The following DPP10 variants were observed in gnomAD, a reference collection of about 807,000 sequenced individuals.
DPP10 encodes inactive dipeptidyl peptidase 10.
DPP10 carries 33 observed loss-of-function variants against 120.9 expected under a neutral mutation model. That is an observed-to-expected ratio of 0.27 (90% CI 0.21 to 0.37). DPP10 has a LOEUF of 0.37. DPP10 is among the 10% of genes least tolerant of loss of function. DPP10 has a pLI of 1.00. For synonymous variants in DPP10, 337 were observed against 326.1 expected, an observed-to-expected ratio of 1.03 and a Z score of -0.36; for missense variants, 816 against 942.8, an observed-to-expected ratio of 0.87 and a Z score of 1.76.
chr2:115,537,939 G>GGAAAAC (rs1478407662), intron 5 of DPP10, among the ~76,000 whole-genome samples: 1 of 151,940 alleles, frequency 6.6e-6, no homozygotes, highest in Non-Finnish European at 1.5e-5. Context: ...GTTTTTCCAT[G>GGAAAAC]TGTAGCTGTC....
chr2:115,440,360 G>A (rs1247018161), intron 3 of DPP10, among the ~76,000 whole-genome samples: 2 of 152,026 alleles, frequency 1.3e-5, no homozygotes, highest in Admixed American at 6.6e-5. Flanking sequence ...GCCATGCAGA[G>A]CTGCATTTAT....
chr2:115,232,154 T>G (rs2057764993), intron 1 of DPP10, among the ~76,000 whole-genome samples: 1 of 152,088 alleles, frequency 6.6e-6, no homozygotes, highest in Admixed American at 6.6e-5. Context: ...CTTTCCACCT[T>G]GGCATCGGAA....
At chr2:115,718,948 T>C (rs2092574539) in intron 7 of DPP10, among the ~76,000 whole-genome samples, 1 of 152,164 alleles carries the variant, frequency 6.6e-6, no homozygotes, top group African/African-American at 2.4e-5. Flanking sequence ...ATAAGGGATT[T>C]TTAAATAACA....
At chr2:115,083,554 G>T (rs1352407571) in intron 1 of DPP10, among the ~76,000 whole-genome samples, 1 of 152,114 alleles carries the variant, frequency 6.6e-6, no homozygotes, top group Non-Finnish European at 1.5e-5. Context: ...CACTGCTCTA[G>T]TTTAGGCCTT....
intron 3 of DPP10, among the ~76,000 whole-genome samples, chr2:115,454,265 CCAAA>C (rs1157890913): frequency 6.6e-6 from 1 of 151,372 alleles, no homozygotes; most frequent in Non-Finnish European, 1.5e-5. Flanking sequence ...GGAAACACAA[CCAAA>C]CAGATAAATA....
At chr2:115,378,731 A>T (rs1174392708) in intron 3 of DPP10, among the ~76,000 whole-genome samples, 2 of 152,114 alleles carry the variant, frequency 1.3e-5, no homozygotes, top group Admixed American at 6.6e-5. Flanking sequence ...CATCCCATCA[A>T]TCCCTAATTT....
chr2:115,819,990 G>C (rs2150056178), intron 21 of DPP10, among the ~76,000 whole-genome samples: 1 of 152,316 alleles, frequency 6.6e-6, no homozygotes, highest in Non-Finnish European at 1.5e-5. Context: ...GCGAAACTCT[G>C]TCTCAAAACA....
chr2:114,678,810 T>C (rs1698832217), intron 1 of DPP10, among the ~76,000 whole-genome samples: 1 of 152,112 alleles, frequency 6.6e-6, no homozygotes, highest in Admixed American at 6.6e-5. Flanking sequence ...AATTAACTTT[T>C]CTTCTCTACT....
intron 1 of DPP10, among the ~76,000 whole-genome samples, chr2:114,879,186 C>T (rs961744689): frequency 6.7e-6 from 1 of 148,366 alleles, no homozygotes; most frequent in Non-Finnish European, 1.5e-5. Flanking sequence ...TACTTCTTCT[C>T]TGAAATTAGC....
intron 1 of DPP10, among the ~76,000 whole-genome samples, chr2:114,665,829 A>C (rs1233324776): frequency 2.6e-5 from 4 of 152,200 alleles, no homozygotes; most frequent in African/African-American, 9.6e-5. Context: ...TTCATTCAGT[A>C]CATAGTATAT....
At chr2:115,805,259 C>T (rs983988804) in intron 19 of DPP10, among the ~76,000 whole-genome samples, 8 of 152,120 alleles carry the variant, frequency 5.3e-5, no homozygotes, top group Admixed American at 2.0e-4. Flanking sequence ...CCTGGTGCAC[C>T]GTTTGTGAAG....
At chr2:115,244,489 TTGTC>T (rs2058442393) in intron 1 of DPP10, among the ~76,000 whole-genome samples, 1 of 151,778 alleles carries the variant, frequency 6.6e-6, no homozygotes, top group South Asian at 2.1e-4. Flanking sequence ...AAACAGAGCT[TTGTC>T]TGTGGTAAAT....
chr2:115,548,793 C>T (rs2079679854), intron 5 of DPP10, among the ~76,000 whole-genome samples: 1 of 152,110 alleles, frequency 6.6e-6, no homozygotes, highest in African/African-American at 2.4e-5. Flanking sequence ...TAGCATTCGC[C>T]TCCATCTCAA....
chr2:115,467,208 GCACA>G (rs769035481), intron 3 of DPP10, among the ~76,000 whole-genome samples: 8 of 152,044 alleles, frequency 5.3e-5, no homozygotes, highest in Non-Finnish European at 1.2e-4. Context: ...ATGCATGTTT[GCACA>G]CACACATGCA....
chr2:115,417,862 T>C (rs1291714636), intron 3 of DPP10, among the ~76,000 whole-genome samples: 1 of 152,230 alleles, frequency 6.6e-6, no homozygotes, highest in Non-Finnish European at 1.5e-5. Flanking sequence ...CCACTACCTT[T>C]GAACTTTTCT....
intron 1 of DPP10, among the ~76,000 whole-genome samples, chr2:114,748,922 A>G (rs1421796821): frequency 8.0e-6 from 1 of 124,978 alleles, no homozygotes; most frequent in East Asian, 2.3e-4. Flanking sequence ...TATACCCAGT[A>G]ATGGGATGGC....
At chr2:115,079,160 C>G (rs1171275163) in intron 1 of DPP10, among the ~76,000 whole-genome samples, 1 of 152,076 alleles carries the variant, frequency 6.6e-6, no homozygotes. Context: ...GCGGGTGGAT[C>G]GTGAGGTCAG....
At chr2:114,993,279 C>T (rs1470466527) in intron 1 of DPP10, among the ~76,000 whole-genome samples, 12 of 152,002 alleles carry the variant, frequency 7.9e-5, no homozygotes, top group Non-Finnish European at 1.6e-4. Flanking sequence ...CTTTAATCCA[C>T]TGTGACTTCC....
chr2:114,824,535 G>A (rs979818895), intron 1 of DPP10, among the ~76,000 whole-genome samples: 9 of 151,820 alleles, frequency 5.9e-5, no homozygotes, highest in South Asian at 4.1e-4. Flanking sequence ...TGCCATTGTC[G>A]GATAGCTTTC....
Sources: gnomAD v4.1 joint callset for allele counts (sites outside exome capture counted in the v4.1 genomes callset) on GRCh38, gnomAD v4.1.1 for gene constraint, MANE v1.5 for transcripts, NCBI Gene and HGNC (gene_info 2026-07-23, HGNC 2026-07-21) for gene names.